Variants in NRXN3 observed in about 807,000 individuals in gnomAD.
NRXN3 encodes neurexin III.
NRXN3 carries 32 observed loss-of-function variants against 137.6 expected under a neutral mutation model. The ratio of observed to expected loss-of-function variants is 0.23; its 90% confidence interval spans 0.18 to 0.31. The LOEUF (loss-of-function observed/expected upper bound fraction) is 0.31. NRXN3 is among the 10% of genes least tolerant of loss of function. The pLI is 1.00. For missense variants in NRXN3, 1,574 were observed against 2,062.5 expected (o/e 0.76, Z 4.59); for synonymous variants, 798 against 784.5 (o/e 1.02, Z -0.29).
At chr14:78,992,784 C>A (rs534838771) in intron 15 of NRXN3, among the ~76,000 whole-genome samples, 1 of 152,076 alleles carries the variant, frequency 6.6e-6, no homozygotes, top group South Asian at 2.1e-4. Context: ...GAGTGGCATA[C>A]AATTTGGGGG....
intron 20 of NRXN3, among the ~76,000 whole-genome samples, chr14:79,832,622 A>C (rs1268087588): frequency 6.6e-6 from 1 of 152,168 alleles, no homozygotes; most frequent in Non-Finnish European, 1.5e-5. Context: ...GTGCTCAGAC[A>C]GCCCCCACCA....
chr14:78,878,698 G>A (rs889439913), intron 10 of NRXN3, among the ~76,000 whole-genome samples: 1 of 151,958 alleles, frequency 6.6e-6, no homozygotes, highest in Non-Finnish European at 1.5e-5. Flanking sequence ...TGATTTTTTT[G>A]TTGTGAGAAC....
chr14:78,502,094 G>C (rs1485928417), intron 4 of NRXN3, among the ~76,000 whole-genome samples: 1 of 152,084 alleles, frequency 6.6e-6, no homozygotes, highest in Non-Finnish European at 1.5e-5. Flanking sequence ...CCTCATGGGA[G>C]ATCACGTGAC....
intron 8 of NRXN3, among the ~76,000 whole-genome samples, chr14:78,782,356 G>A (rs967186732): frequency 6.6e-6 from 1 of 152,128 alleles, no homozygotes; most frequent in African/African-American, 2.4e-5. Context: ...ATTCTGGTAT[G>A]TTTGGGAAAA....
intron 4 of NRXN3, among the ~76,000 whole-genome samples, chr14:78,552,917 A>G (rs764490841): frequency 6.6e-6 from 1 of 152,232 alleles, no homozygotes; most frequent in Non-Finnish European, 1.5e-5. Context: ...TATCCTAAGT[A>G]TACTGATTTG....
intron 4 of NRXN3, among the ~76,000 whole-genome samples, chr14:78,312,348 G>C (rs1450914718): frequency 6.6e-6 from 1 of 152,148 alleles, no homozygotes; most frequent in African/African-American, 2.4e-5. Context: ...GCTGAAGTAA[G>C]ACGGTGACAC....
At chr14:79,829,908 A>G (rs1014263494) in intron 20 of NRXN3, among the ~76,000 whole-genome samples, 2 of 152,224 alleles carry the variant, frequency 1.3e-5, no homozygotes, top group Admixed American at 6.5e-5. Flanking sequence ...CACTCTGAAT[A>G]GAGAAGATAT....
chr14:79,095,094 A>G (rs1374330480), intron 15 of NRXN3, among the ~76,000 whole-genome samples: 2 of 151,924 alleles, frequency 1.3e-5, no homozygotes, highest in Non-Finnish European at 2.9e-5. Context: ...AGAGATTAGG[A>G]GTATTCATAA....
At chr14:78,894,739 G>T (rs1379353857) in intron 10 of NRXN3, among the ~76,000 whole-genome samples, 3 of 151,728 alleles carry the variant, frequency 2.0e-5, no homozygotes, top group Non-Finnish European at 2.9e-5. Context: ...TAAATAATAA[G>T]ACTTGAAAGT....
chr14:78,402,017 A>G (rs746437458), intron 4 of NRXN3, among the ~76,000 whole-genome samples: 3 of 152,214 alleles, frequency 2.0e-5, no homozygotes, highest in Non-Finnish European at 4.4e-5. Flanking sequence ...GTCTCACTGC[A>G]TGTGGTGAGT....
chr14:78,208,217 A>G lies in NRXN3; in HGVS notation c.-703-34174A>G, dbSNP rs183547944. On this transcript the variant is annotated intron_variant, in intron 1 of 20. Transcript: ENST00000335750. ...AAGTACTACTTATGTAGCATTTACT[A>G]CGTGCTTTGTTAGTGTGTGCCTTAT... 4.4e-4 allele frequency among the ~76,000 whole-genome samples: 67 copies of G among 152,350 alleles called. No homozygotes were observed. In the East Asian group the frequency reaches 0.013, roughly 29 times the overall value.
chr14:79,106,770 G>C (rs902624405), intron 15 of NRXN3, among the ~76,000 whole-genome samples: 1 of 151,942 alleles, frequency 6.6e-6, no homozygotes, highest in South Asian at 2.1e-4. Flanking sequence ...TGACTGAAAG[G>C]CTTATAAAAT....
rs1157270511 is a variant in NRXN3, at chr14:78,795,906, G to T, written c.2045-7714G>T. Among the ~76,000 whole-genome samples the T allele has an allele frequency of 2.0e-5, 3 of 152,132 alleles. No homozygotes were observed. The East Asian group carries it at 5.8e-4, about 29-fold the overall frequency. ...TAAATACCAGTTAGAAAAATGAGAG[G>T]TGTGATATTTAAACTGTAACCAGCT... On this transcript the variant is annotated intron_variant, in intron 8 of 20. Coordinates refer to ENST00000335750, the MANE Select transcript of NRXN3 (RefSeq NM_001330195.2).
At chr14:79,658,312 G>A (rs962192148) in intron 16 of NRXN3, among the ~76,000 whole-genome samples, 1 of 152,122 alleles carries the variant, frequency 6.6e-6, no homozygotes, top group African/African-American at 2.4e-5. Flanking sequence ...GGTTTATGTT[G>A]CAGTGACAAA....
At chr14:79,483,139 G>T (rs2096624313) in intron 16 of NRXN3, among the ~76,000 whole-genome samples, 1 of 152,096 alleles carries the variant, frequency 6.6e-6, no homozygotes, top group African/African-American at 2.4e-5. Context: ...TTTAAGCTAG[G>T]TCTTTGCAGA....
intron 15 of NRXN3, among the ~76,000 whole-genome samples, chr14:79,457,064 A>G (rs1279641964): frequency 6.6e-6 from 1 of 151,560 alleles, no homozygotes; most frequent in Non-Finnish European, 1.5e-5. Context: ...AAAAAAAAAA[A>G]GTTCATTGAA....
At chr14:78,501,640 A>C (rs2095878109) in intron 4 of NRXN3, among the ~76,000 whole-genome samples, 1 of 152,268 alleles carries the variant, frequency 6.6e-6, no homozygotes, top group African/African-American at 2.4e-5. Flanking sequence ...CCATTATAGA[A>C]GTTGTCTACC....
At chr14:79,526,834 G>GGT (rs935553864) in intron 16 of NRXN3, among the ~76,000 whole-genome samples, 3 of 152,150 alleles carry the variant, frequency 2.0e-5, no homozygotes, top group Non-Finnish European at 4.4e-5. Context: ...ATATCTACTA[G>GGT]GTGTGTGTGT....
intron 15 of NRXN3, among the ~76,000 whole-genome samples, chr14:79,390,134 A>T (rs1392669890): frequency 6.6e-6 from 1 of 151,918 alleles, no homozygotes; most frequent in Non-Finnish European, 1.5e-5. Context: ...TGGCTAACAC[A>T]GTGAAACCCC....
Sources: gnomAD v4.1 joint callset for allele counts (sites outside exome capture counted in the v4.1 genomes callset) on GRCh38, gnomAD v4.1.1 for gene constraint, MANE v1.5 for transcripts, NCBI Gene and HGNC (gene_info 2026-07-23, HGNC 2026-07-21) for gene names.